The following ARHGAP26 variants were observed in gnomAD, a reference collection of about 807,000 sequenced individuals.
ARHGAP26 encodes rho GTPase-activating protein 26.
Under a neutral mutation model 104.8 loss-of-function variants are expected in ARHGAP26, and 38 were observed. The observed-to-expected ratio is 0.36, with a 90% CI of 0.28 to 0.48. The LOEUF is 0.48. ARHGAP26 is among the 20% of genes least tolerant of loss of function. The probability of loss-of-function intolerance (pLI) is 0.99; values close to 1 mark genes in which losing one functional copy is unlikely to be tolerated. For synonymous variants in ARHGAP26, 341 were observed against 340.0 expected, an observed-to-expected ratio of 1.00 and a Z score of -0.03; for missense variants, 704 against 947.9, an observed-to-expected ratio of 0.74 and a Z score of 3.38.
chr5:142,779,322 C>A (rs1597581701), intron 1 of ARHGAP26, among the ~76,000 whole-genome samples: 2 of 152,124 alleles, frequency 1.3e-5, no homozygotes, highest in Admixed American at 1.3e-4. Flanking sequence ...GTGTCTGGCT[C>A]ATTTCACCTT....
At chr5:143,107,248 T>G (rs1388105377) in intron 17 of ARHGAP26, among the ~76,000 whole-genome samples, 3 of 152,034 alleles carry the variant, frequency 2.0e-5, no homozygotes, top group African/African-American at 7.2e-5. Context: ...TGGTATGACA[T>G]GAGGTTGGAG....
chr5:142,774,519 A>T (rs571108293), intron 1 of ARHGAP26, among the ~76,000 whole-genome samples: 1 of 151,904 alleles, frequency 6.6e-6, no homozygotes, highest in East Asian at 1.9e-4. Flanking sequence ...AGTTGCCCCT[A>T]TTTCTAACAT....
intron 18 of ARHGAP26, 111 bp from the exon 19 acceptor site, chr5:143,133,856 C>A: frequency 9.2e-7 from 1 of 1,086,490 alleles, no homozygotes; most frequent in Non-Finnish European, 1.3e-6. Flanking sequence ...CTTCTCGGAT[C>A]TTTTCTTGCT....
intron 20 of ARHGAP26, among the ~76,000 whole-genome samples, chr5:143,147,726 C>T (rs928657701): frequency 1.8e-4 from 28 of 152,062 alleles, no homozygotes; most frequent in African/African-American, 6.8e-4. Context: ...GCTCTGTGGC[C>T]GAGTTTGTTT....
At chr5:143,082,337 G>C (rs1789953205) in intron 17 of ARHGAP26, among the ~76,000 whole-genome samples, 1 of 152,148 alleles carries the variant, frequency 6.6e-6, no homozygotes, top group Non-Finnish European at 1.5e-5. Context: ...TGTGTTTACT[G>C]TTCCCATCCA....
chr5:143,119,776 C>T (rs1376214537), intron 17 of ARHGAP26, among the ~76,000 whole-genome samples: 1 of 151,846 alleles, frequency 6.6e-6, no homozygotes, highest in Non-Finnish European at 1.5e-5. Flanking sequence ...TTAAACTCAG[C>T]CCTAAAAAAA....
intron 17 of ARHGAP26, among the ~76,000 whole-genome samples, chr5:143,115,084 G>A (rs1056151650): frequency 5.3e-5 from 8 of 151,890 alleles, no homozygotes; most frequent in Non-Finnish European, 1.0e-4. Context: ...TGTAATTCCA[G>A]CACTTTGGGA....
At chr5:143,047,898 A>C (rs1476847865) in intron 14 of ARHGAP26, among the ~76,000 whole-genome samples, 1 of 151,818 alleles carries the variant, frequency 6.6e-6, no homozygotes, top group Non-Finnish European at 1.5e-5. Flanking sequence ...GGCTCACTGC[A>C]GTGGCTAAGT....
chr5:142,836,431 C>T (rs1191835206), intron 1 of ARHGAP26, among the ~76,000 whole-genome samples: 1 of 152,226 alleles, frequency 6.6e-6, no homozygotes, highest in Non-Finnish European at 1.5e-5. Flanking sequence ...GCTCAAAGCC[C>T]TTTACCTGGG....
chr5:143,145,183 A>T (rs1799014750), intron 19 of ARHGAP26, among the ~76,000 whole-genome samples: 1 of 152,240 alleles, frequency 6.6e-6, no homozygotes, highest in South Asian at 2.1e-4. Flanking sequence ...TTTTAGCAAG[A>T]TATTGTTTTT....
Position 143,009,402 on chromosome 5 carries a change from C to T in ARHGAP26, c.1108-4678C>T, listed in dbSNP as rs541443657. Among the ~76,000 whole-genome samples, 11 of 152,286 alleles carry T rather than the reference C, an allele frequency of 7.2e-5. 1 individual carries two copies. In the South Asian group the frequency reaches 2.3e-3, roughly 32 times the overall value. ...CTCTGGAGACAGACCGTGGGAGTTCCTGTCTGGACTCTGCCCATTTCCAGC... is the reference window on the plus strand; with the variant it reads ...CTCTGGAGACAGACCGTGGGAGTTCTTGTCTGGACTCTGCCCATTTCCAGC... On this transcript the variant is annotated intron_variant, in intron 11 of 22. Coordinates refer to ENST00000645722, the MANE Select transcript of ARHGAP26 (RefSeq NM_001135608.3).
chr5:142,961,348 C>G (rs888541984), intron 11 of ARHGAP26, among the ~76,000 whole-genome samples: 1 of 151,834 alleles, frequency 6.6e-6, no homozygotes, highest in Non-Finnish European at 1.5e-5. Flanking sequence ...AAAAACTAGC[C>G]GGGCATGGTG....
At chr5:143,112,506 A>G (rs4912896) in intron 17 of ARHGAP26, among the ~76,000 whole-genome samples, 116,737 of 152,010 alleles carry the variant, frequency 0.77, 48,083 homozygotes, top group Non-Finnish European at 0.92. Context: ...TACCTTGACT[A>G]TTTTTAAGTG....
intron 9 of ARHGAP26, among the ~76,000 whole-genome samples, chr5:142,912,453 G>A (rs1562066308): frequency 6.6e-6 from 1 of 152,196 alleles, no homozygotes; most frequent in Non-Finnish European, 1.5e-5. Flanking sequence ...AAACTTTTGG[G>A]GATGATGGAA....
chr5:142,887,730 A>G (rs1009770197), intron 5 of ARHGAP26, among the ~76,000 whole-genome samples: 2 of 152,162 alleles, frequency 1.3e-5, no homozygotes, highest in Admixed American at 6.5e-5. Flanking sequence ...ATTAAACTGT[A>G]TAAAAATCTA....
intron 17 of ARHGAP26, chr5:143,103,469 A>G (rs1793548156): frequency 6.5e-6 from 1 of 152,710 alleles, no homozygotes; most frequent in African/African-American, 2.4e-5. Flanking sequence ...ATTATAAATC[A>G]TTCTACTGTA....
At chr5:143,092,959 C>T (rs751884440) in intron 17 of ARHGAP26, among the ~76,000 whole-genome samples, 1 of 152,232 alleles carries the variant, frequency 6.6e-6, no homozygotes, top group Non-Finnish European at 1.5e-5. Flanking sequence ...GAGGAACCAT[C>T]TATCGTCCTG....
chr5:142,943,384 G>C (rs1445091465), intron 11 of ARHGAP26, among the ~76,000 whole-genome samples: 1 of 152,064 alleles, frequency 6.6e-6, no homozygotes, highest in African/African-American at 2.4e-5. Context: ...CAAGATCAAG[G>C]CACCATCAAA....
intron 11 of ARHGAP26, among the ~76,000 whole-genome samples, chr5:142,950,006 A>C (rs1304704143): frequency 6.6e-6 from 1 of 152,248 alleles, no homozygotes; most frequent in African/African-American, 2.4e-5. Context: ...ATGGCACATT[A>C]TCTCTCCTGG....
Sources: gnomAD v4.1 joint callset for allele counts (sites outside exome capture counted in the v4.1 genomes callset) on GRCh38, gnomAD v4.1.1 for gene constraint, MANE v1.5 for transcripts, NCBI Gene and HGNC (gene_info 2026-07-23, HGNC 2026-07-21) for gene names.